The following PCDHA3 variants were observed in gnomAD, a reference collection of about 807,000 sequenced individuals.
The protein encoded by PCDHA3 is protocadherin alpha-3.
PCDHA3 carries 41 observed loss-of-function variants against 62.2 expected under a neutral mutation model. That is an observed-to-expected ratio of 0.66 (90% CI 0.51 to 0.86). The LOEUF (loss-of-function observed/expected upper bound fraction) is 0.86, where lower values mean the gene tolerates loss of function less well. Among genes scored for constraint, PCDHA3 ranks in the 40% least tolerant of loss-of-function variants. The pLI is 0.00. For synonymous variants in PCDHA3, 640 were observed against 555.4 expected, an observed-to-expected ratio of 1.15 and a Z score of -2.14; for missense variants, 1,304 against 1,241.2, an observed-to-expected ratio of 1.05 and a Z score of -0.76.
intron 1 of PCDHA3, chr5:140,804,316 A>G (rs1402979588): frequency 3.9e-5 from 6 of 152,094 alleles, no homozygotes; most frequent in African/African-American, 1.4e-4. Context: ...TTTATTTAAT[A>G]CTACTTTAAT....
rs1214693088 is a variant in PCDHA3, at chr5:140,904,196, C to T, written c.2395-74753C>T. Among the ~76,000 whole-genome samples the T allele has an allele frequency of 1.1e-4, 17 of 152,034 alleles. No homozygotes were observed. In the East Asian group the frequency reaches 3.3e-3, roughly 29 times the overall value. On this transcript the variant is annotated intron_variant, in intron 1 of 3. Transcript: ENST00000522353. ...TTCCTCACCCCCTTCCCACCCTTTC[C>T]CCCTAAGTCCCCAAAGTCCATTGTA... is the stretch of plus-strand genomic sequence containing the variant.
chr5:140,828,024 C>A, intron 1 of PCDHA3: 1 of 1,516,842 alleles, frequency 6.6e-7, no homozygotes, highest in Non-Finnish European at 8.8e-7. Context: ...TAATAAATTC[C>A]GGAACATACA....
intron 1 of PCDHA3, chr5:140,851,594 A>T (rs1554145464): frequency 1.1e-6 from 1 of 917,164 alleles, no homozygotes; most frequent in African/African-American, 1.8e-5. Context: ...TTTGAAATTC[A>T]GTTTACAGAA....
intron 1 of PCDHA3, chr5:140,928,062 C>G: frequency 6.2e-7 from 1 of 1,614,194 alleles, no homozygotes; most frequent in Non-Finnish European, 8.5e-7. Context: ...TGACGGCTTC[C>G]TTTGACAACT....
In PCDHA3 at chr5:140,807,979, T is replaced by C. The variant is rs116894179; in HGVS notation, c.2394+4388T>C. 3.1e-6 allele frequency: 5 copies of C among 1,613,764 alleles called. No individual in the cohort carries two copies. In the East Asian group the frequency reaches 8.9e-5, roughly 29 times the overall value. On this transcript the variant is annotated intron_variant, in intron 1 of 3. Transcript: ENST00000522353. ...CTAATGGAACATTGGTAATTAAACT[T>C]AACGCCTCAGATTTAGACGAAGGAT...
chr5:140,930,466 T>C (rs2086864823), intron 1 of PCDHA3: 1 of 152,352 alleles, frequency 6.6e-6, no homozygotes. Context: ...CAAGTGATCC[T>C]CCCACCTAGG....
At chr5:140,824,920 A>G (rs1768395100) in intron 1 of PCDHA3, 1 of 152,304 alleles carries the variant, frequency 6.6e-6, no homozygotes, top group African/African-American at 2.4e-5. Context: ...CTGTATACCC[A>G]TGATGAATTT....
chr5:140,917,151 G>A (rs974449842), intron 1 of PCDHA3, among the ~76,000 whole-genome samples: 1 of 152,160 alleles, frequency 6.6e-6, no homozygotes, highest in Non-Finnish European at 1.5e-5. Flanking sequence ...TGCTGCTGGG[G>A]GATATGGGAG....
chr5:140,925,782 A>T (rs567008166), intron 1 of PCDHA3, among the ~76,000 whole-genome samples: 10 of 152,174 alleles, frequency 6.6e-5, no homozygotes, highest in Admixed American at 4.6e-4. Context: ...AACTCTAATG[A>T]GTATCTCAGT....
chr5:140,926,464 A>C (rs1445781673), intron 1 of PCDHA3: 1 of 159,892 alleles, frequency 6.3e-6, no homozygotes, highest in Non-Finnish European at 1.4e-5. Flanking sequence ...TGTCCTAGAA[A>C]ACACCGTTTA....
At chr5:140,898,059 G>C (rs372963837) in intron 1 of PCDHA3, among the ~76,000 whole-genome samples, 2 of 151,948 alleles carry the variant, frequency 1.3e-5, no homozygotes, top group Non-Finnish European at 1.5e-5. Flanking sequence ...TTGTAAATTT[G>C]TTTGAGTTCA....
intron 1 of PCDHA3, among the ~76,000 whole-genome samples, chr5:140,961,302 A>G (rs1383841228): frequency 6.6e-6 from 1 of 152,222 alleles, no homozygotes; most frequent in African/African-American, 2.4e-5. Context: ...GTTAAAGAAC[A>G]TGATTTACCA....
intron 1 of PCDHA3, chr5:140,927,229 C>G (rs781833160): frequency 1.2e-6 from 2 of 1,614,008 alleles, no homozygotes; most frequent in African/African-American, 1.3e-5. Context: ...GATTCGGATT[C>G]ACGTCCTGGA....
At chr5:140,829,072 T>G in intron 1 of PCDHA3, 2 of 1,612,584 alleles carry the variant, frequency 1.2e-6, no homozygotes, top group Non-Finnish European at 1.7e-6. Context: ...ACAAAGGCCA[T>G]CCTCCCATGG....
At chr5:140,882,454 C>G (rs782708863) in intron 1 of PCDHA3, 12 of 1,613,934 alleles carry the variant, frequency 7.4e-6, no homozygotes, top group Non-Finnish European at 1.0e-5. Flanking sequence ...TGGTGCCGCG[C>G]CTGTTCCGGG....
At chr5:140,850,631 T>A (rs2150491599) in intron 1 of PCDHA3, 1 of 1,598,518 alleles carries the variant, frequency 6.3e-7, no homozygotes, top group South Asian at 1.1e-5. Flanking sequence ...GCCTGTTGGT[T>A]CTCACGCTGC....
At chr5:140,875,476 G>T in intron 1 of PCDHA3, 1 of 1,610,156 alleles carries the variant, frequency 6.2e-7, no homozygotes, top group South Asian at 1.1e-5. Flanking sequence ...TTCTGCAATG[G>T]TGATTATCGG....
At chr5:140,862,594 A>T (rs2047439169) in intron 1 of PCDHA3, 2 of 509,414 alleles carry the variant, frequency 3.9e-6, no homozygotes, top group Non-Finnish European at 8.0e-6. Context: ...GCCCGAGTAC[A>T]TGGTGTTCGT....
At chr5:140,897,086 T>G (rs527763854) in intron 1 of PCDHA3, among the ~76,000 whole-genome samples, 379 of 152,296 alleles carry the variant, frequency 2.5e-3, no homozygotes, top group African/African-American at 8.4e-3. Context: ...TTCTATTTTT[T>G]ATCCTCATTA....
Sources: gnomAD v4.1 joint callset for allele counts (sites outside exome capture counted in the v4.1 genomes callset) on GRCh38, gnomAD v4.1.1 for gene constraint, MANE v1.5 for transcripts, NCBI Gene and HGNC (gene_info 2026-07-23, HGNC 2026-07-21) for gene names.